The following VPS4A variants were observed in gnomAD, a reference collection of about 807,000 sequenced individuals.
VPS4A encodes vacuolar protein sorting 4 homolog A.
Under a neutral mutation model 52.3 loss-of-function variants are expected in VPS4A, and 20 were observed. The observed-to-expected ratio is 0.38, with a 90% CI of 0.27 to 0.56. The LOEUF (loss-of-function observed/expected upper bound fraction) is 0.56, where lower values mean the gene tolerates loss of function less well. Ranked by LOEUF, VPS4A falls within the 20% of genes least tolerant of loss-of-function variation. VPS4A has a pLI of 0.72. For synonymous variants in VPS4A, 293 were observed against 227.7 expected, an observed-to-expected ratio of 1.29 and a Z score of -2.58; for missense variants, 419 against 575.9, an observed-to-expected ratio of 0.73 and a Z score of 2.79.
At chr16:69,314,917 T>TA (rs1965418001) in intron 1 of VPS4A, among the ~76,000 whole-genome samples, 1 of 152,082 alleles carries the variant, frequency 6.6e-6, no homozygotes, top group Non-Finnish European at 1.5e-5. Flanking sequence ...CTGCGGTTTT[T>TA]AAAACCAGGC....
Position 69,318,814 on chromosome 16 carries a change from C to A in VPS4A, c.344-9C>A, listed in dbSNP as rs754898349. 2 of 1,612,678 alleles carry A rather than the reference C, an allele frequency of 1.2e-6. No homozygotes were observed. Among genetic ancestry groups the A allele is most frequent in the Non-Finnish European group, 1.7e-6 (2 of 1,179,346 alleles). On this transcript the variant is annotated splice_polypyrimidine_tract_variant and intron_variant, in intron 4 of 10. Coordinates refer to ENST00000254950, the MANE Select transcript of VPS4A (RefSeq NM_013245.3). Reference sequence around the variant, plus strand: ...CGGGCCCGGGCCCGGGCCGGCCTCCCTCTCGCAGGTGCCGTCGTGATGGAG... The same window carrying A: ...CGGGCCCGGGCCCGGGCCGGCCTCCATCTCGCAGGTGCCGTCGTGATGGAG...
At position 69,321,758 on chromosome 16, in the gene VPS4A, C is replaced by G. The variant is rs987472837; in HGVS notation, c.1071+488C>G. 3 of 186,008 alleles carry G rather than the reference C, an allele frequency of 1.6e-5. No individual in the cohort carries two copies. The highest frequency in any genetic ancestry group is 3.4e-5 in the Non-Finnish European group (3 of 88,032). 11.5% of individuals were successfully genotyped at this position (186,008 alleles called of 1,614,324 possible). On this transcript the variant is annotated intron_variant, in intron 9 of 10. Coordinates refer to ENST00000254950, the MANE Select transcript of VPS4A (RefSeq NM_013245.3). This position sits in a 1 kb window ranked among gnomAD's most constrained non-coding sequence, Gnocchi z 4.5. ...GTTGTTGGTGGGGAGACAGTCAACA[C>G]AGTCAGTGAGTGTCTCAGAGGATGG...
At chr16:69,312,133 C>G (rs983868808) in intron 1 of VPS4A, among the ~76,000 whole-genome samples, 26 of 152,158 alleles carry the variant, frequency 1.7e-4, no homozygotes, top group African/African-American at 5.8e-4. Context: ...AGGCCTCATT[C>G]CGGGGTTTGA....
chr16:69,322,083 GCTGGT>G (rs1209060465), intron 9 of VPS4A: 187 of 165,498 alleles, frequency 1.1e-3, no homozygotes, highest in African/African-American at 3.1e-3. Context: ...CTTCTTACAT[GCTGGT>G]GGCAAGAGAA....
intron 1 of VPS4A, among the ~76,000 whole-genome samples, chr16:69,314,827 G>A (rs1239882862): frequency 2.0e-5 from 3 of 152,146 alleles, no homozygotes; most frequent in Non-Finnish European, 2.9e-5. Flanking sequence ...GTGGGTCTGC[G>A]GTGGGACTGC....
At chr16:69,323,926 G>A (rs1435052023) in intron 10 of VPS4A, among the ~76,000 whole-genome samples, 1 of 144,208 alleles carries the variant, frequency 6.9e-6, no homozygotes, top group Non-Finnish European at 1.5e-5. Context: ...CTCCAGCCTG[G>A]GTGACAGACT....
In VPS4A at chr16:69,321,376, C is replaced by T. The variant is rs566852404; in HGVS notation, c.1071+106C>T. 4,501 of 1,300,338 alleles carry T rather than the reference C, an allele frequency of 3.5e-3. 15 individuals are homozygous for T. Among genetic ancestry groups the T allele is most frequent in the Non-Finnish European group, 4.3e-3 (4,092 of 947,486 alleles). The allele number at this position is 1,300,338 out of a possible 1,614,324, so 80.6% of individuals were successfully genotyped here. ...CTGCTCCCCGGCTGCTCAGGTGACA[C>T]AGTCTCTGAGGCCTCCTGGAGAGCC... On this transcript the variant is annotated intron_variant, in intron 9 of 10. Coordinates refer to ENST00000254950, the MANE Select transcript of VPS4A (RefSeq NM_013245.3). This position sits in a 1 kb window ranked among gnomAD's most constrained non-coding sequence, Gnocchi z 4.5.
intron 3 of VPS4A, among the ~76,000 whole-genome samples, chr16:69,318,174 T>C (rs1245524145): frequency 6.6e-6 from 1 of 152,180 alleles, no homozygotes; most frequent in African/African-American, 2.4e-5. Context: ...AAGATCTCGC[T>C]GTTTCCCAGG....
At chr16:69,318,271 C>T (rs766010886) in intron 3 of VPS4A, among the ~76,000 whole-genome samples, 6 of 152,202 alleles carry the variant, frequency 3.9e-5, no homozygotes, top group Non-Finnish European at 8.8e-5. Flanking sequence ...CCGCACCCAG[C>T]CTGGGCTGTG....
intron 9 of VPS4A, 66 bp from the exon 10 acceptor site, chr16:69,322,494 A>C (rs1438868924): frequency 6.6e-7 from 1 of 1,503,900 alleles, no homozygotes; most frequent in Non-Finnish European, 8.9e-7. Flanking sequence ...TTCCTTAGAG[A>C]CCGGAGGGGT....
Position 69,318,724 on chromosome 16 carries a change from C to T in VPS4A, c.343+13C>T, listed in dbSNP as rs777683404. The T allele has an allele frequency of 5.6e-5, 90 of 1,613,610 alleles. 1 individual carries two copies. The highest frequency in any genetic ancestry group is 2.5e-4 in the Admixed American group (15 of 59,994). ...GAACAGCTGATGGGTAAGTGGCTCG[C>T]GGCCCTGTGGCAGCGGCAGGGGATG... On this transcript the variant is annotated intron_variant, in intron 4 of 10. Coordinates refer to ENST00000254950, the MANE Select transcript of VPS4A (RefSeq NM_013245.3).
rs1004126522 is a variant in VPS4A, at chr16:69,311,441, C to T, written c.-71C>T. ...CGGGCTTCCCGCGCCGGACCCAGTA[C>T]CTCGGCTCCCCGGGGCCGGACCGAG... On this transcript the variant is annotated 5_prime_UTR_variant, in exon 1 of 11. Transcript: ENST00000254950. 6.0e-5 allele frequency: 74 copies of T among 1,236,528 alleles called. No homozygotes were observed. Among genetic ancestry groups the T allele is most frequent in the Non-Finnish European group, 6.9e-5 (68 of 980,570 alleles). 76.6% of individuals were successfully genotyped at this position (1,236,528 alleles called of 1,614,324 possible).
chr16:69,314,168 T>C (rs1269308500), intron 1 of VPS4A, among the ~76,000 whole-genome samples: 11 of 151,948 alleles, frequency 7.2e-5, no homozygotes, highest in Admixed American at 7.2e-4. Flanking sequence ...TGCTTCACTG[T>C]GTTAGCCAGG....
In VPS4A at chr16:69,320,819, G is replaced by A; in HGVS notation, c.851+50G>A. The A allele has an allele frequency of 6.5e-7, 1 of 1,543,560 alleles. No individual in the cohort carries two copies. Among genetic ancestry groups the A allele is most frequent in the Non-Finnish European group, 8.8e-7 (1 of 1,135,978 alleles). On this transcript the variant is annotated intron_variant, in intron 8 of 10. Transcript: ENST00000254950. This position sits in a 1 kb window ranked among gnomAD's most constrained non-coding sequence, Gnocchi z 4.2. ...GGGCTGGAGGCTTCCTCCCACCATG[G>A]TCACGGTCCGCCTGCTGCTGGCAGC... is the stretch of plus-strand genomic sequence containing the variant.
In VPS4A at chr16:69,321,205, A is replaced by T; in HGVS notation, c.1006A>T (p.Ile336Phe). ...TEGYSGADIS[I>F]IVRDSLMQPV... ...AGGCTACTCGGGCGCGGACATCAGC[A>T]TCATCGTGCGGGACTCTCTCATGCA... Residue 336 changes from isoleucine to phenylalanine, a missense_variant, in exon 9 of 11, where the codon ATC becomes TTC. Ile to Phe is a conservative substitution (Grantham distance 21, BLOSUM62 0). This residue lies in a region of VPS4A where 185 missense variants were observed against 200.2 expected (regional missense o/e 0.92). Transcript: ENST00000254950. This position sits in a 1 kb window ranked among gnomAD's most constrained non-coding sequence, Gnocchi z 4.5. 6.4e-7 allele frequency: 1 copy of T among 1,569,424 alleles called. No homozygotes were observed. The highest frequency in any genetic ancestry group is 1.2e-5 in the South Asian group (1 of 85,038).
Position 69,320,649 on chromosome 16 carries a change from G to A in VPS4A, c.770-39G>A, listed in dbSNP as rs757728202. 6.5e-7 allele frequency: 1 copy of A among 1,549,442 alleles called. No individual in the cohort carries two copies. Among genetic ancestry groups the A allele is most frequent in the South Asian group, 1.2e-5 (1 of 84,614 alleles). On this transcript the variant is annotated intron_variant, in intron 7 of 10. Transcript: ENST00000254950. The surrounding 1 kb of genome is among the most constrained non-coding windows in gnomAD (Gnocchi z 4.2). ...CCCAGGTTTCAACTGACCCGTGCAG[G>A]TGTCCAGAGTCTGAGTCTTTGTCTC...
chr16:69,311,572 C>T, intron 1 of VPS4A, 40 bp downstream of exon 1: 20 of 1,275,700 alleles, frequency 1.6e-5, no homozygotes, highest in Non-Finnish European at 1.9e-5. Flanking sequence ...AGGCCGAAGG[C>T]AGCGGGGCCT....
At chr16:69,311,878 G>GCTCGCTCCCTCCTCTCCTGT (rs1204038363) in intron 1 of VPS4A, among the ~76,000 whole-genome samples, 29 of 152,328 alleles carry the variant, frequency 1.9e-4, no homozygotes, top group East Asian at 5.8e-4. Context: ...AGACAGCGAT[G>GCTCGCTCCCTCCTCTCCTGT]CTCGCTCCCT....
At chr16:69,318,983 A>G in intron 5 of VPS4A, 41 bp downstream of exon 5, 1 of 1,597,890 alleles carries the variant, frequency 6.3e-7, no homozygotes, top group South Asian at 1.1e-5. Context: ...TAAAAATTCC[A>G]GGCTTCCGCA....
Sources: gnomAD v4.1 joint callset for allele counts (sites outside exome capture counted in the v4.1 genomes callset) on GRCh38, gnomAD v4.1.1 for gene constraint, gnomAD v4.1.1 regional missense constraint, Gnocchi (gnomAD v3.1) non-coding constraint, MANE v1.5 for transcripts, NCBI Gene and HGNC (gene_info 2026-07-23, HGNC 2026-07-21) for gene names.